The following PRICKLE1 variants were observed in gnomAD, a reference collection of about 807,000 sequenced individuals.
PRICKLE1 encodes the protein prickle-like protein 1.
PRICKLE1 carries 14 observed loss-of-function variants against 70.2 expected under a neutral mutation model. The observed-to-expected ratio is 0.20, with a 90% confidence interval of 0.13 to 0.31. The LOEUF (loss-of-function observed/expected upper bound fraction) is 0.31, where lower values mean the gene tolerates loss of function less well. Ranked by LOEUF, PRICKLE1 falls within the 10% of genes least tolerant of loss-of-function variation. The probability of loss-of-function intolerance (pLI) is 1.00; values close to 1 mark genes in which losing one functional copy is unlikely to be tolerated. For synonymous variants in PRICKLE1, 357 were observed against 379.9 expected (o/e 0.94, Z 0.70); for missense variants, 821 against 1,026.2 (o/e 0.80, Z 2.73).
intron 1 of PRICKLE1, among the ~76,000 whole-genome samples, chr12:42,530,447 T>C (rs1939891017): frequency 1.3e-5 from 2 of 152,080 alleles, no homozygotes; most frequent in Admixed American, 6.5e-5. Flanking sequence ...TCAATAACAC[T>C]ATATTGCCTC....
intron 1 of PRICKLE1, among the ~76,000 whole-genome samples, chr12:42,510,584 C>CT (rs34928719): frequency 0.7 from 106,053 of 151,392 alleles, 38,703 homozygotes; most frequent in East Asian, 0.95. Context: ...GAAAGCATAA[C>CT]TTTTTTTTTA....
At chr12:42,513,875 T>C (rs1383834068) in intron 1 of PRICKLE1, among the ~76,000 whole-genome samples, 1 of 152,054 alleles carries the variant, frequency 6.6e-6, no homozygotes, top group East Asian at 1.9e-4. Flanking sequence ...TGCATGCTTG[T>C]AATCCCAGCT....
At chr12:42,492,906 C>A (rs1444702925) in intron 1 of PRICKLE1, among the ~76,000 whole-genome samples, 1 of 152,140 alleles carries the variant, frequency 6.6e-6, no homozygotes, top group Non-Finnish European at 1.5e-5. Context: ...AGATACTTTA[C>A]CTGGCATCTA....
chr12:42,552,927 G>C (rs1043822828), intron 1 of PRICKLE1, among the ~76,000 whole-genome samples: 2 of 152,136 alleles, frequency 1.3e-5, no homozygotes, highest in African/African-American at 4.8e-5. Context: ...CCTCTCCTGC[G>C]CGGTTCACAA....
chr12:42,578,414 T>A (rs558379790), intron 1 of PRICKLE1, among the ~76,000 whole-genome samples: 1 of 152,078 alleles, frequency 6.6e-6, no homozygotes, highest in South Asian at 2.1e-4. Context: ...GTGGCATGGG[T>A]GTATTATGAA....
intron 1 of PRICKLE1, among the ~76,000 whole-genome samples, chr12:42,561,927 T>C (rs1940523165): frequency 6.8e-6 from 1 of 147,832 alleles, no homozygotes; most frequent in South Asian, 2.1e-4. Flanking sequence ...TTTTTTTTTT[T>C]TCCAGACAGA....
At chr12:42,558,833 C>G (rs1251436157) in intron 1 of PRICKLE1, among the ~76,000 whole-genome samples, 1 of 152,132 alleles carries the variant, frequency 6.6e-6, no homozygotes, top group African/African-American at 2.4e-5. Context: ...GTAAATGACA[C>G]TGTTCAAAGA....
chr12:42,586,890 T>C (rs998484708), intron 1 of PRICKLE1, among the ~76,000 whole-genome samples: 2 of 152,236 alleles, frequency 1.3e-5, no homozygotes, highest in Admixed American at 1.3e-4. Flanking sequence ...TTTTGGTCTT[T>C]TCAGAATTAT....
chr12:42,569,127 A>T (rs4768420), intron 1 of PRICKLE1, among the ~76,000 whole-genome samples: 148,808 of 152,320 alleles, frequency 0.98, 72,785 homozygotes, highest in Middle Eastern at 1. Flanking sequence ...TTTTTCACTT[A>T]ATGGATATAC....
intron 1 of PRICKLE1, among the ~76,000 whole-genome samples, chr12:42,492,620 C>G (rs1593136088): frequency 6.6e-6 from 1 of 152,214 alleles, no homozygotes; most frequent in Non-Finnish European, 1.5e-5. Flanking sequence ...GTAGTGAAGA[C>G]TGGTTTACAA....
chr12:42,512,113 G>C (rs1939522514), intron 1 of PRICKLE1, among the ~76,000 whole-genome samples: 1 of 113,848 alleles, frequency 8.8e-6, no homozygotes, highest in African/African-American at 2.8e-5. Context: ...CCAAAGGATG[G>C]TCCCATTACA....
intron 1 of PRICKLE1, among the ~76,000 whole-genome samples, chr12:42,474,220 T>G (rs990559448): frequency 6.6e-6 from 1 of 152,052 alleles, no homozygotes; most frequent in African/African-American, 2.4e-5. Context: ...TGCAGTGAGC[T>G]GAGATTGCAC....
intron 1 of PRICKLE1, among the ~76,000 whole-genome samples, chr12:42,480,062 G>A (rs1593126135): frequency 6.6e-6 from 1 of 152,176 alleles, no homozygotes; most frequent in African/African-American, 2.4e-5. Flanking sequence ...TTCATTTTGA[G>A]CACAGTAGAA....
At chr12:42,500,361 G>A (rs569921932) in intron 1 of PRICKLE1, among the ~76,000 whole-genome samples, 2 of 152,264 alleles carry the variant, frequency 1.3e-5, no homozygotes, top group Non-Finnish European at 2.9e-5. Context: ...TTATATAATA[G>A]TTGCTCTGTT....
intron 1 of PRICKLE1, among the ~76,000 whole-genome samples, chr12:42,506,769 C>T (rs1481283259): frequency 6.6e-6 from 1 of 151,580 alleles, no homozygotes; most frequent in African/African-American, 2.4e-5. Context: ...GACGGTGTTT[C>T]ACCATCTTGG....
chr12:42,504,488 G>C (rs1939370429), intron 1 of PRICKLE1, among the ~76,000 whole-genome samples: 1 of 152,182 alleles, frequency 6.6e-6, no homozygotes, highest in East Asian at 1.9e-4. Context: ...CAGCACCCAA[G>C]CTTAGTAGGT....
At chr12:42,499,406 T>C (rs1009289253) in intron 1 of PRICKLE1, among the ~76,000 whole-genome samples, 23 of 151,868 alleles carry the variant, frequency 1.5e-4, no homozygotes, top group African/African-American at 5.6e-4. Flanking sequence ...ATCACAAGAA[T>C]GTAAGTAGAA....
intron 2 of PRICKLE1, among the ~76,000 whole-genome samples, chr12:42,471,222 C>T (rs1015856480): frequency 2.6e-5 from 4 of 152,148 alleles, no homozygotes; most frequent in African/African-American, 9.7e-5. Flanking sequence ...AGAGAAGCCA[C>T]ATTGAGCTGT....
chr12:42,497,887 T>G (rs973821897), intron 1 of PRICKLE1, among the ~76,000 whole-genome samples: 1 of 152,162 alleles, frequency 6.6e-6, no homozygotes, highest in African/African-American at 2.4e-5. Flanking sequence ...TGCCTGCCCA[T>G]GTCCCCACCC....
Sources: gnomAD v4.1 joint callset for allele counts (sites outside exome capture counted in the v4.1 genomes callset) on GRCh38, gnomAD v4.1.1 for gene constraint, MANE v1.5 for transcripts, NCBI Gene and HGNC (gene_info 2026-07-23, HGNC 2026-07-21) for gene names.